KIAA1210: variants seen among roughly 807,000 people sequenced by gnomAD.
The protein encoded by KIAA1210 is KIAA1210, also known as acrosomal protein KIAA1210.
A neutral mutation model predicts 78.9 loss-of-function variants in KIAA1210; 48 were observed. The ratio of observed to expected loss-of-function variants is 0.61; its 90% CI spans 0.48 to 0.77. KIAA1210 has a LOEUF of 0.77. Among genes scored for constraint, KIAA1210 ranks in the 30% least tolerant of loss-of-function variants. The pLI is 0.00. For missense variants in KIAA1210, 1,108 were observed against 1,100.0 expected (o/e 1.01, Z -0.10); for synonymous variants, 406 against 404.5 (o/e 1.00, Z -0.04).
At chrX:119,112,974 G>A (rs1196917339) in intron 3 of KIAA1210, among the ~76,000 whole-genome samples, 3 of 112,214 alleles carry the variant, frequency 2.7e-5, no homozygotes, top group Admixed American at 9.5e-5. Context: ...TGGATAAAAT[G>A]TGGTATAGTC....
intron 2 of KIAA1210, among the ~76,000 whole-genome samples, chrX:119,138,226 T>G (rs1430972413): frequency 3.4e-5 from 3 of 89,354 alleles, no homozygotes; most frequent in African/African-American, 8.4e-5. Flanking sequence ...TTTTTTTTTT[T>G]TTTTTTTTTT....
At position 119,109,139 on chromosome X, in the gene KIAA1210, C is replaced by G. The variant is rs772347721; in HGVS notation, c.294G>C (p.Glu98Asp). 10 of 1,205,883 alleles carry G rather than the reference C, an allele frequency of 8.3e-6. No homozygotes were observed. The highest frequency in any genetic ancestry group is 1.1e-5 in the Non-Finnish European group (10 of 892,386). ...SHDSIFMLGP[E>D]PERSASKMFP... is the part of the protein sequence containing the mutation. Reference sequence around the variant, plus strand: ...ACATTTTACTTGCTGATCTTTCAGGCTCAGGACCCAACATGAAGATGCTAT... The same window carrying G: ...ACATTTTACTTGCTGATCTTTCAGGGTCAGGACCCAACATGAAGATGCTAT... The change falls in exon 4 of 12, where the codon GAG becomes GAC. Residue 98 changes from glutamate to aspartate, a missense_variant. Around this residue, in one of 5 missense-constraint regions of KIAA1210, gnomAD observed 672 missense variants for 607.1 expected, o/e 1.11. Transcript: ENST00000691062.
chrX:119,081,133 G>T lies in KIAA1210; in HGVS notation c.*196C>A. 1 of 299,620 alleles carries T rather than the reference G, an allele frequency of 3.3e-6. No homozygotes were observed. The highest frequency in any genetic ancestry group is 5.7e-6 in the Non-Finnish European group (1 of 174,467). The allele number at this position is 299,620 out of a possible 1,213,427, so 24.7% of individuals were successfully genotyped here. A position where few individuals can be genotyped will look rare whatever the true frequency, so the allele number is the denominator to read the frequency against. ...GAAAACAAAATTAGCCGGGCGTGAT[G>T]GCGGGCGCCTGTAGTCCCAGCTAGT... On this transcript the variant is annotated 3_prime_UTR_variant, in exon 12 of 12. Coordinates refer to ENST00000691062, the MANE Select transcript of KIAA1210 (RefSeq NM_001394962.1).
At chrX:119,137,617 C>G (rs1375712862) in intron 2 of KIAA1210, among the ~76,000 whole-genome samples, 1 of 112,518 alleles carries the variant, frequency 8.9e-6, no homozygotes, top group Non-Finnish European at 1.9e-5. Flanking sequence ...CGCATGCGGC[C>G]CAGGATGGCT....
At chrX:119,130,756 T>A (rs1485541232), upstream of KIAA1210, among the ~76,000 whole-genome samples, 1 of 112,509 alleles carries the variant, frequency 8.9e-6, no homozygotes, top group Non-Finnish European at 1.9e-5. Context: ...CAGTAAATTA[T>A]GAGAGGCTTT....
chrX:119,116,225 T>C (rs1928256988), intron 3 of KIAA1210, among the ~76,000 whole-genome samples: 1 of 112,328 alleles, frequency 8.9e-6, no homozygotes, highest in African/African-American at 3.2e-5. Flanking sequence ...ATCTGCACCC[T>C]CTTATTCAGT....
chrX:119,083,998 C>CA (rs751363845), intron 10 of KIAA1210, among the ~76,000 whole-genome samples: 777 of 16,937 alleles, frequency 0.046, 123 homozygotes, highest in Middle Eastern at 0.12. Context: ...GAACCTGTCT[C>CA]AAAAAAAAAA....
intron 7 of KIAA1210, among the ~76,000 whole-genome samples, chrX:119,094,255 G>A (rs957593013): frequency 8.9e-6 from 1 of 112,097 alleles, no homozygotes; most frequent in African/African-American, 3.2e-5. Context: ...CAGATCAAAA[G>A]AAGAAAAAGA....
chrX:119,089,859 G>T, intron 8 of KIAA1210, 113 bp from the exon 9 acceptor site: 1 of 693,764 alleles, frequency 1.4e-6, no homozygotes, highest in South Asian at 2.9e-5. Flanking sequence ...TTCCTAGTAT[G>T]AGGAAGCAGC....
chrX:119,131,606 G>T (rs1373270974), upstream of KIAA1210, among the ~76,000 whole-genome samples: 2 of 112,545 alleles, frequency 1.8e-5, no homozygotes, highest in Non-Finnish European at 3.8e-5. Context: ...ATAAAAGGAG[G>T]ATTTAGAGAT....
Position 119,080,455 on chromosome X carries a change from T to G in KIAA1210, c.*874A>C. ...AAATTTTCTTGGAGACCCAGAATTT[T>G]CACTTCCACCGCCTCTTTTAGGATC... is the stretch of plus-strand genomic sequence containing the variant. On this transcript the variant is annotated 3_prime_UTR_variant, in exon 12 of 12. Coordinates refer to ENST00000691062, the MANE Select transcript of KIAA1210 (RefSeq NM_001394962.1). 1 of 111,920 alleles carries G rather than the reference T, an allele frequency of 8.9e-6. No homozygotes were observed. Among genetic ancestry groups the G allele is most frequent in the South Asian group, 3.8e-4 (1 of 2,646 alleles). The allele number at this position is 111,920 out of a possible 1,213,427, so 9.2% of individuals were successfully genotyped here. A position where few individuals can be genotyped will look rare whatever the true frequency, so the allele number is the denominator to read the frequency against.
chrX:119,128,603 C>T (rs751581397), upstream of KIAA1210, among the ~76,000 whole-genome samples: 4 of 111,910 alleles, frequency 3.6e-5, no homozygotes, highest in Non-Finnish European at 7.5e-5. Context: ...CCAGAGAGCA[C>T]GTCCATGATC....
chrX:119,115,258 G>T (rs1928220818), intron 3 of KIAA1210, among the ~76,000 whole-genome samples: 1 of 109,139 alleles, frequency 9.2e-6, no homozygotes, highest in Non-Finnish European at 1.9e-5. Flanking sequence ...TCTCTCTCAG[G>T]TTCACATGTG....
intron 6 of KIAA1210, among the ~76,000 whole-genome samples, chrX:119,102,257 G>T (rs189671540): frequency 8.9e-6 from 1 of 112,922 alleles, no homozygotes; most frequent in East Asian, 2.8e-4. Flanking sequence ...GTTATTGAGA[G>T]AATCAAATGT....
chrX:119,133,109 C>T (rs1011079654), intron 2 of KIAA1210, among the ~76,000 whole-genome samples: 15 of 111,357 alleles, frequency 1.3e-4, no homozygotes, highest in African/African-American at 4.2e-4. Context: ...CATTGAGGAA[C>T]GAGGAACCAC....
At position 119,142,482 on chromosome X, in the gene KIAA1210, G is replaced by GA. The variant is rs1474745335; in HGVS notation, c.410+4990dup. On this transcript the variant is annotated intron_variant, in intron 2 of 13. Coordinates refer to the KIAA1210 transcript ENST00000402510. ...AGCTGGTTTGTGGAGATTACATGGT[G>GA]AAAGAAAGGAAGGAGGTGGGCACAG... Among the ~76,000 whole-genome samples, 101 of 111,510 alleles carry GA rather than the reference G, an allele frequency of 9.1e-4. 1 individual carries two copies. The highest frequency in any genetic ancestry group is 4.7e-4 in the Non-Finnish European group (25 of 53,041).
At chrX:119,150,987 G>A (rs191844500), upstream of KIAA1210, among the ~76,000 whole-genome samples, 733 of 112,586 alleles carry the variant, frequency 6.5e-3, 9 homozygotes, top group African/African-American at 0.022. Flanking sequence ...TGCTGAGGGA[G>A]CCGCTGGCCG....
At chrX:119,150,491 G>C in exon 1 of KIAA1210, 1 of 1,211,344 alleles carries the variant, frequency 8.3e-7, no homozygotes, top group Non-Finnish European at 1.1e-6. Flanking sequence ...TCGGTCCCTG[G>C]GGCCCAGGTG....
At chrX:119,108,998 T>G in intron 4 of KIAA1210, 78 bp downstream of exon 4, 2 of 1,087,368 alleles carry the variant, frequency 1.8e-6, no homozygotes, top group Non-Finnish European at 2.5e-6. Flanking sequence ...TCCCACTCCT[T>G]TTAATTTTGG....
Sources: gnomAD v4.1 joint callset for allele counts (sites outside exome capture counted in the v4.1 genomes callset) on GRCh38, gnomAD v4.1.1 for gene constraint, gnomAD v4.1.1 regional missense constraint, MANE v1.5 for transcripts, NCBI Gene and HGNC (gene_info 2026-07-23, HGNC 2026-07-21) for gene names.